The following ABCA5 variants were observed in gnomAD, a reference collection of about 807,000 sequenced individuals.
The protein encoded by ABCA5 is ATP binding cassette subfamily A member 5, also known as cholesterol transporter ABCA5.
In ABCA5, 163 loss-of-function variants were observed where a neutral mutation model predicts 206.0. The observed-to-expected ratio is 0.79, with a 90% CI of 0.70 to 0.90. ABCA5 has a LOEUF of 0.90. Ranked by LOEUF, ABCA5 falls within the 40% of genes least tolerant of loss-of-function variation. The pLI, the probability that ABCA5 is intolerant of heterozygous loss-of-function variation, is 0.00. For synonymous variants in ABCA5, 609 were observed against 613.8 expected, an observed-to-expected ratio of 0.99 and a Z score of 0.11; for missense variants, 1,859 against 1,912.9, an observed-to-expected ratio of 0.97 and a Z score of 0.53.
rs1355437313 is a variant in ABCA5, at chr17:69,246,597, T to G, written c.*940A>C. On this transcript the variant is annotated 3_prime_UTR_variant, in exon 39 of 39. Transcript: ENST00000392676. ...GTTACTAAATAAATCTACACACTGA[T>G]CTACTTACAATTTTATAGAAGAGAT... 1 of 151,938 alleles carries G rather than the reference T, an allele frequency of 6.6e-6. No homozygotes were observed. Among genetic ancestry groups the G allele is most frequent in the African/African-American group, 2.4e-5 (1 of 41,436 alleles). The allele number at this position is 151,938 out of a possible 1,614,324, so 9.4% of individuals were successfully genotyped here.
chr17:69,294,843 C>T (rs1008063889), intron 10 of ABCA5, 130 bp from the exon 11 acceptor site: 21 of 561,428 alleles, frequency 3.7e-5, no homozygotes, highest in African/African-American at 5.8e-5. Flanking sequence ...AAGTACTTTC[C>T]TACTAAAACA....
intron 17 of ABCA5, 50 bp downstream of exon 17, chr17:69,285,848 C>G: frequency 6.5e-7 from 1 of 1,538,984 alleles, no homozygotes; most frequent in Non-Finnish European, 8.8e-7. Flanking sequence ...AAACCTATTC[C>G]CAATATAGGA....
At chr17:69,313,750 A>G (rs934754643) in intron 2 of ABCA5, among the ~76,000 whole-genome samples, 1 of 152,172 alleles carries the variant, frequency 6.6e-6, no homozygotes, top group African/African-American at 2.4e-5. Context: ...ACTGAATTAA[A>G]TTCTACGGTC....
intron 1 of ABCA5, among the ~76,000 whole-genome samples, chr17:69,319,355 G>A (rs1169480171): frequency 6.6e-6 from 1 of 152,190 alleles, no homozygotes; most frequent in Non-Finnish European, 1.5e-5. Flanking sequence ...TCATAGAGTA[G>A]ATGGATTCAC....
chr17:69,251,979 A>G (rs776759169), intron 34 of ABCA5, 113 bp from the exon 35 acceptor site: 1 of 1,081,828 alleles, frequency 9.2e-7, no homozygotes, highest in African/African-American at 1.6e-5. Flanking sequence ...CTTACCAAAT[A>G]TCAATTGCTA....
chr17:69,264,876 TG>T lies in ABCA5; in HGVS notation c.3173del (p.Ser1058Ter). On this transcript the variant is annotated frameshift_variant, in exon 24 of 39. Coordinates refer to ENST00000392676, the MANE Select transcript of ABCA5 (RefSeq NM_172232.4). LOFTEE classifies it high-confidence loss of function. Reference sequence around the variant, plus strand: ...TCCAATATGCAGATGGCAAAAGACCTGAAAGTTTAAGTTGAGTATAAGCTTT... The same window carrying T: ...TCCAATATGCAGATGGCAAAAGACCTAAAGTTTAAGTTGAGTATAAGCTTT... ...KIKAYTQLKL[S>X]GLLPSAYWIG... is the part of the protein sequence containing the mutation. 1 of 1,553,042 alleles carries T rather than the reference TG, an allele frequency of 6.4e-7. No individual in the cohort carries two copies. Among genetic ancestry groups the T allele is most frequent in the South Asian group, 1.3e-5 (1 of 76,866 alleles).
In ABCA5 at chr17:69,270,752, T is replaced by A; in HGVS notation, c.2893-2A>T. The A allele has an allele frequency of 6.5e-7, 1 of 1,527,300 alleles. No individual in the cohort carries two copies. The highest frequency in any genetic ancestry group is 8.7e-7 in the Non-Finnish European group (1 of 1,144,164). 94.6% of individuals were successfully genotyped at this position (1,527,300 alleles called of 1,614,324 possible). A position where few individuals can be genotyped will look rare whatever the true frequency, so the allele number is the denominator to read the frequency against. ...GAAAACAGCTGCAAAAACATAGTCC[T>A]ACAATTAAAAAAAAGACACTTATTA... On this transcript the variant is annotated splice_acceptor_variant, in intron 21 of 38. Coordinates refer to ENST00000392676, the MANE Select transcript of ABCA5 (RefSeq NM_172232.4). LOFTEE classifies it high-confidence loss of function.
chr17:69,314,294 G>T lies in ABCA5; in HGVS notation c.102+20C>A, dbSNP rs1195267697. On this transcript the variant is annotated intron_variant, in intron 2 of 38. Coordinates refer to ENST00000392676, the MANE Select transcript of ABCA5 (RefSeq NM_172232.4). The stretch of plus-strand genomic sequence containing the variant: ...CAAAATAAACTGCAAAAAAGCATAA[G>T]AAAGAGTTATTTAACTTACCTGAAC... The T allele has an allele frequency of 6.6e-7, 1 of 1,520,478 alleles. No individual in the cohort carries two copies. Among genetic ancestry groups the T allele is most frequent in the Non-Finnish European group, 9.1e-7 (1 of 1,101,310 alleles). 94.2% of individuals were successfully genotyped at this position (1,520,478 alleles called of 1,614,324 possible). A position where few individuals can be genotyped will look rare whatever the true frequency, so the allele number is the denominator to read the frequency against.
At chr17:69,265,725 T>G (rs527458097) in intron 23 of ABCA5, among the ~76,000 whole-genome samples, 1 of 152,236 alleles carries the variant, frequency 6.6e-6, no homozygotes, top group Non-Finnish European at 1.5e-5. Flanking sequence ...TTCAATGAAT[T>G]ATGAGAACAT....
intron 11 of ABCA5, among the ~76,000 whole-genome samples, chr17:69,294,067 GTA>G (rs1211155155): frequency 6.6e-6 from 1 of 152,122 alleles, no homozygotes; most frequent in Non-Finnish European, 1.5e-5. Context: ...TAACTAACAT[GTA>G]TTGCATATAC....
At chr17:69,282,751 G>A (rs2075408783) in intron 18 of ABCA5, among the ~76,000 whole-genome samples, 1 of 126,358 alleles carries the variant, frequency 7.9e-6, no homozygotes, top group Non-Finnish European at 1.6e-5. Flanking sequence ...CAGCCTGGGT[G>A]ACAGAGCAAG....
intron 1 of ABCA5, among the ~76,000 whole-genome samples, chr17:69,319,799 T>C (rs1001190896): frequency 3.3e-5 from 5 of 152,240 alleles, no homozygotes; most frequent in African/African-American, 1.2e-4. Context: ...CAGTATCAGA[T>C]TCTATTTCTT....
In ABCA5 at chr17:69,326,484, T is replaced by C. The variant is rs571848441; in HGVS notation, c.-16+568A>G. On this transcript the variant is annotated intron_variant, in intron 1 of 38. Coordinates refer to ENST00000392676, the MANE Select transcript of ABCA5 (RefSeq NM_172232.4). The surrounding 1 kb of genome is among the most constrained non-coding windows in gnomAD (Gnocchi z 4.8). ...AGTATTTCCATGCCTGGAGCTCCTA[T>C]TCGTGTTTTAGGATCAGGGAATTTC... Among the ~76,000 whole-genome samples the C allele has an allele frequency of 6.6e-6, 1 of 152,294 alleles. No individual in the cohort carries two copies. Among genetic ancestry groups the C allele is most frequent in the African/African-American group, 2.4e-5 (1 of 41,560 alleles).
At chr17:69,292,769 A>G (rs1351471064) in intron 11 of ABCA5, among the ~76,000 whole-genome samples, 1 of 152,230 alleles carries the variant, frequency 6.6e-6, no homozygotes, top group East Asian at 1.9e-4. Context: ...ATTGGACTTC[A>G]TTCAAATTAA....
chr17:69,297,222 A>C lies in ABCA5; in HGVS notation c.1405T>G (p.Ser469Ala), dbSNP rs114790500. The C allele has an allele frequency of 3.2e-3, 5,082 of 1,611,624 alleles. 145 individuals carry two copies. The African/African-American group carries it at 0.058, about 18-fold the overall frequency. The stretch of plus-strand genomic sequence containing the variant: ...GCTTCTTTTCCTACAAATTCTGAAG[A>C]AACTGGCTCAATAATTTCACTAAAA... ...ISFSEIIEPV[S>A]SEFVGKEAIR... Residue 469 changes from serine to alanine, a missense_variant, in exon 10 of 39, where the codon TCT becomes GCT. Physicochemically the swap from Ser to Ala is moderately conservative, Grantham distance 99. Transcript: ENST00000392676.
chr17:69,322,650 A>T (rs1274578854), intron 1 of ABCA5, among the ~76,000 whole-genome samples: 1 of 149,858 alleles, frequency 6.7e-6, no homozygotes, highest in Non-Finnish European at 1.5e-5. Flanking sequence ...CGCAAAATCC[A>T]TCACTTATCT....
Position 69,257,107 on chromosome 17 carries a change from G to A in ABCA5, c.3732-824C>T, listed in dbSNP as rs557946990. Among the ~76,000 whole-genome samples, 11 of 152,234 alleles carry A rather than the reference G, an allele frequency of 7.2e-5. No homozygotes were observed. In the South Asian group the frequency reaches 2.3e-3, roughly 32 times the overall value. On this transcript the variant is annotated intron_variant, in intron 28 of 38. Coordinates refer to ENST00000392676, the MANE Select transcript of ABCA5 (RefSeq NM_172232.4). Reference sequence around the variant, plus strand: ...TGGCCAGGCGCAGTGGCTCCTGCCTGTAATCTTAGCACTTTAAGAAGCCGA... The same window carrying A: ...TGGCCAGGCGCAGTGGCTCCTGCCTATAATCTTAGCACTTTAAGAAGCCGA...
At chr17:69,303,759 TAAA>T (rs1176172773) in intron 7 of ABCA5, among the ~76,000 whole-genome samples, 4 of 2,452 alleles carry the variant, frequency 1.6e-3, no homozygotes, top group African/African-American at 2.6e-3. Context: ...ACCTCGACTC[TAAA>T]AAAAAAAAAA....
chr17:69,287,531 A>G, intron 15 of ABCA5, 82 bp downstream of exon 15: 8 of 1,471,538 alleles, frequency 5.4e-6, no homozygotes, highest in Non-Finnish European at 7.2e-6. Flanking sequence ...TTCTCTATTT[A>G]TACCTCAGGA....
Sources: allele counts gnomAD v4.1 joint callset (sites outside exome capture counted in the v4.1 genomes callset), GRCh38; gene constraint gnomAD v4.1.1; non-coding constraint Gnocchi (gnomAD v3.1); transcripts MANE v1.5; gene names NCBI Gene and HGNC (gene_info 2026-07-23, HGNC 2026-07-21).